Variants in TENM3 observed in about 807,000 individuals in gnomAD.
The protein encoded by TENM3 is teneurin transmembrane protein 3.
Under a neutral mutation model 255.1 loss-of-function variants are expected in TENM3, and 63 were observed. That is an observed-to-expected ratio of 0.25 (90% CI 0.20 to 0.30). The LOEUF is 0.30. TENM3 is among the 10% of genes least tolerant of loss of function. TENM3 has a pLI of 1.00. For missense variants in TENM3, 2,929 were observed against 3,461.1 expected (o/e 0.85, Z 3.86); for synonymous variants, 1,306 against 1,322.3 (o/e 0.99, Z 0.27).
chr4:182,403,602 CT>C (rs1035270830), intron 3 of TENM3, among the ~76,000 whole-genome samples: 8 of 152,176 alleles, frequency 5.3e-5, no homozygotes, highest in Non-Finnish European at 8.8e-5. Context: ...TAGCTTTTAT[CT>C]GTTTTTCTAG....
the TENM3 span, among the ~76,000 whole-genome samples, chr4:182,087,793 C>G: frequency 6.6e-6 from 1 of 152,136 alleles, no homozygotes. Context: ...TTTATTTATT[C>G]TATGTGCTTC....
At chr4:181,751,825 T>C in the TENM3 span, among the ~76,000 whole-genome samples, 174 of 152,262 alleles carry the variant, frequency 1.1e-3, 1 homozygote, top group Admixed American at 4.3e-3. Context: ...TGATTGAGAA[T>C]TTTTGTCATG....
the TENM3 span, among the ~76,000 whole-genome samples, chr4:181,915,716 GGGAGA>G: frequency 2.6e-5 from 4 of 151,500 alleles, no homozygotes; most frequent in African/African-American, 7.3e-5. Context: ...AAAAGAGGAG[GGGAGA>G]GGAGAGGAGA....
intron 3 of TENM3, among the ~76,000 whole-genome samples, chr4:182,486,111 G>A (rs1177816515): frequency 3.9e-5 from 6 of 152,134 alleles, no homozygotes; most frequent in African/African-American, 1.4e-4. Context: ...AACCATCAGA[G>A]TGCAGGTGTG....
At chr4:182,722,879 A>T (rs1314196662) in intron 13 of TENM3, among the ~76,000 whole-genome samples, 2 of 152,294 alleles carry the variant, frequency 1.3e-5, no homozygotes, top group East Asian at 3.9e-4. Context: ...GAGATGAAGA[A>T]AAGAAGCAAC....
At chr4:181,963,681 A>G in the TENM3 span, among the ~76,000 whole-genome samples, 1 of 152,226 alleles carries the variant, frequency 6.6e-6, no homozygotes, top group African/African-American at 2.4e-5. Context: ...AACTGTGTAT[A>G]TTAAATCCAA....
intron 1 of TENM3, among the ~76,000 whole-genome samples, chr4:182,320,420 C>T (rs1456899735): frequency 6.6e-6 from 1 of 152,306 alleles, no homozygotes; most frequent in Non-Finnish European, 1.5e-5. Context: ...ATTCGTGCTC[C>T]TTGGCTTTCA....
intron 1 of TENM3, among the ~76,000 whole-genome samples, chr4:182,209,828 G>T (rs1344231822): frequency 6.6e-6 from 1 of 152,020 alleles, no homozygotes; most frequent in African/African-American, 2.4e-5. Flanking sequence ...ATTCTCAAGA[G>T]AATGAGATCC....
chr4:182,103,091 C>T, the TENM3 span, among the ~76,000 whole-genome samples: 2 of 151,988 alleles, frequency 1.3e-5, no homozygotes, highest in African/African-American at 4.8e-5. Context: ...AAAAGTTGAC[C>T]CACTTAAAAA....
the TENM3 span, among the ~76,000 whole-genome samples, chr4:181,716,278 T>G: frequency 6.6e-6 from 1 of 152,236 alleles, no homozygotes; most frequent in Middle Eastern, 3.2e-3. Context: ...ATATGGATTA[T>G]ATTGTCTATT....
rs1461295147 is a variant in TENM3 at position 182,784,676 on chromosome 4, T to C, written c.5305-4417T>C. On this transcript the variant is annotated intron_variant, in intron 24 of 27. Coordinates refer to ENST00000511685, the MANE Select transcript of TENM3 (RefSeq NM_001080477.4). The stretch of plus-strand genomic sequence containing the variant: ...GCCTCGCTGCCGCCTTGCAGTTTGA[T>C]CTCAGACTGCTGTGCTAGCAATCAG... 2.6e-5 allele frequency among the ~76,000 whole-genome samples: 4 copies of C among 151,122 alleles called. No individual in the cohort carries two copies. The East Asian group carries it at 5.9e-4, about 22-fold the overall frequency.
At chr4:182,457,275 T>C (rs537938780) in intron 3 of TENM3, among the ~76,000 whole-genome samples, 2 of 151,994 alleles carry the variant, frequency 1.3e-5, no homozygotes, top group South Asian at 4.2e-4. Flanking sequence ...TTAGAGACTT[T>C]TAGAACTGAA....
At chr4:182,265,095 C>G (rs1579952121) in intron 1 of TENM3, among the ~76,000 whole-genome samples, 3 of 152,108 alleles carry the variant, frequency 2.0e-5, no homozygotes, top group Admixed American at 2.0e-4. Flanking sequence ...CTGTTTTCCT[C>G]ATGAAATCCC....
intron 22 of TENM3, among the ~76,000 whole-genome samples, chr4:182,769,640 C>T (rs1331371827): frequency 6.6e-6 from 1 of 151,748 alleles, no homozygotes; most frequent in Non-Finnish European, 1.5e-5. Context: ...AAAAAAATTA[C>T]AGAAACAGTG....
chr4:181,915,489 A>G, the TENM3 span, among the ~76,000 whole-genome samples: 2 of 152,290 alleles, frequency 1.3e-5, no homozygotes, highest in East Asian at 3.9e-4. Context: ...TCACTATTCC[A>G]TGAGAAGAAT....
the TENM3 span, among the ~76,000 whole-genome samples, chr4:181,767,183 C>T: frequency 1.0e-4 from 14 of 136,550 alleles, no homozygotes; most frequent in Admixed American, 2.4e-4. Context: ...ACCCGGGAGG[C>T]GGAGCTTGCA....
chr4:181,957,180 G>T, the TENM3 span, among the ~76,000 whole-genome samples: 4 of 152,138 alleles, frequency 2.6e-5, no homozygotes, highest in African/African-American at 7.2e-5. Flanking sequence ...CATGTAGACT[G>T]TGTAAAGATG....
At chr4:182,102,557 A>C in the TENM3 span, among the ~76,000 whole-genome samples, 26 of 152,174 alleles carry the variant, frequency 1.7e-4, 1 homozygote, top group Admixed American at 1.6e-3. Flanking sequence ...AAAAAAAGAG[A>C]TCTTTCCTGG....
chr4:181,812,255 G>A, the TENM3 span, among the ~76,000 whole-genome samples: 6 of 152,164 alleles, frequency 3.9e-5, no homozygotes, highest in African/African-American at 1.4e-4. Flanking sequence ...ATATCCTCGA[G>A]TAACACTAAC....
Sources: allele counts gnomAD v4.1 joint callset (sites outside exome capture counted in the v4.1 genomes callset), GRCh38; gene constraint gnomAD v4.1.1; transcripts MANE v1.5; gene names NCBI Gene and HGNC (gene_info 2026-07-23, HGNC 2026-07-21).